Variants in CENPE observed in about 807,000 individuals in gnomAD.
CENPE encodes centromere protein E.
Under a neutral mutation model 336.1 loss-of-function variants are expected in CENPE, and 145 were observed. The ratio of observed to expected loss-of-function variants is 0.43; its 90% CI spans 0.38 to 0.50. The LOEUF (loss-of-function observed/expected upper bound fraction) is 0.50. Among genes scored for constraint, CENPE ranks in the 20% least tolerant of loss-of-function variants. CENPE has a pLI of 0.00. For synonymous variants in CENPE, 1,013 were observed against 984.8 expected (o/e 1.03, Z -0.54); for missense variants, 2,719 against 3,023.3 (o/e 0.90, Z 2.36).
At chr4:103,138,228 T>A in intron 39 of CENPE, 123 bp downstream of exon 39, 2 of 698,814 alleles carry the variant, frequency 2.9e-6, no homozygotes, top group South Asian at 3.3e-5. Flanking sequence ...TAGATTACAA[T>A]GTTTAGAAAA....
chr4:103,151,803 G>A (rs1053202825), intron 25 of CENPE, among the ~76,000 whole-genome samples: 1 of 152,118 alleles, frequency 6.6e-6, no homozygotes, highest in Non-Finnish European at 1.5e-5. Flanking sequence ...AGCATGACTT[G>A]GGCTGATCCT....
At position 103,132,719 on chromosome 4, in the gene CENPE, T is replaced by A; in HGVS notation, c.6898A>T (p.Asn2300Tyr). ...QKENDRICQVNNFFNNRIIAI... is the reference protein window; with the variant it reads ...QKENDRICQVYNFFNNRIIAI... ...ATTATTCTGTTATTAAAGAAGTTAT[T>A]CACTTGACAAATCCTATCATTTTCT... The change falls in exon 42 of 49, where the codon AAT (asparagine) becomes TAT (tyrosine). Residue 2300 changes from asparagine (N) to tyrosine (Y), a missense_variant. This residue lies in a region of CENPE where 2,437 missense variants were observed against 2,513.3 expected (regional missense o/e 0.97). Coordinates refer to ENST00000265148, the MANE Select transcript of CENPE (RefSeq NM_001813.3). 1 of 1,550,186 alleles carries A rather than the reference T, an allele frequency of 6.5e-7. No homozygotes were observed. The highest frequency in any genetic ancestry group is 8.8e-7 in the Non-Finnish European group (1 of 1,131,672).
Position 103,175,952 on chromosome 4 carries a change from TA to T in CENPE, c.1479+7del, listed in dbSNP as rs1560662862. On this transcript the variant is annotated splice_region_variant and intron_variant, in intron 15 of 48. Transcript: ENST00000265148. ...AAGCATTATATGCTGTAAAATACAT[TA>T]AGTTACCTGATTTAGTAGCTTTGTT... 1 of 1,538,714 alleles carries T rather than the reference TA, an allele frequency of 6.5e-7. No homozygotes were observed. The highest frequency in any genetic ancestry group is 1.8e-5 in the Admixed American group (1 of 57,134).
At chr4:103,173,629 A>ATTTGCAATATT (rs1351118696) in intron 16 of CENPE, among the ~76,000 whole-genome samples, 1 of 152,050 alleles carries the variant, frequency 6.6e-6, no homozygotes, top group Non-Finnish European at 1.5e-5. Context: ...TTTGCAAAAT[A>ATTTGCAATATT]TACATCTGAC....
intron 41 of CENPE, 64 bp from the exon 42 acceptor site, chr4:103,132,960 T>TTATATATATATATATATACA: frequency 7.1e-6 from 1 of 140,138 alleles, no homozygotes; most frequent in Non-Finnish European, 1.3e-5. Flanking sequence ...AATATTTTAT[T>TTATATATATATATATATACA]TATATATATA....
chr4:103,182,696 T>C, intron 11 of CENPE, 66 bp downstream of exon 11: 4 of 1,309,926 alleles, frequency 3.1e-6, no homozygotes, highest in Non-Finnish European at 4.1e-6. Flanking sequence ...TTAATTTTAG[T>C]AGGTAATGTT....
At chr4:103,147,333 T>C (rs1273781087) in intron 29 of CENPE, 23 bp downstream of exon 29, 36 of 1,568,796 alleles carry the variant, frequency 2.3e-5, no homozygotes, top group Non-Finnish European at 2.9e-5. Flanking sequence ...CTTGTTAAAA[T>C]GGGAGGAAAA....
chr4:103,150,255 GAA>G (rs1359272944), intron 26 of CENPE, among the ~76,000 whole-genome samples: 7 of 152,086 alleles, frequency 4.6e-5, no homozygotes, highest in Admixed American at 1.3e-4. Context: ...GTGAGATAGT[GAA>G]AGGGATCAGA....
chr4:103,169,154 G>A (rs141628667), intron 16 of CENPE, among the ~76,000 whole-genome samples: 21 of 151,262 alleles, frequency 1.4e-4, no homozygotes, highest in Non-Finnish European at 2.7e-4. Flanking sequence ...TGAACAAAAT[G>A]AAAAATGCAA....
At chr4:103,152,981 G>A in intron 25 of CENPE, 66 bp downstream of exon 25, 1 of 1,182,090 alleles carries the variant, frequency 8.5e-7, no homozygotes, top group Non-Finnish European at 1.2e-6. Context: ...CCTCAATAAA[G>A]TTGATAAAAA....
rs372384706 is a variant in CENPE at position 103,173,493 on chromosome 4, C to A, written c.1647+1243G>T. On this transcript the variant is annotated intron_variant, in intron 16 of 48. Transcript: ENST00000265148. ...GACCTTAAAAGCACAACCAAAAAGA[C>A]CAAAAACAAATAAACGGAATTACAA... is the stretch of plus-strand genomic sequence containing the variant. Among the ~76,000 whole-genome samples, 9 of 124,354 alleles carry A rather than the reference C, an allele frequency of 7.2e-5. No individual in the cohort carries two copies. The East Asian group carries it at 1.9e-3, about 26-fold the overall frequency. The allele number at this position is 124,354 out of a possible 152,430, so 81.6% of individuals were successfully genotyped here. A position where few individuals can be genotyped will look rare whatever the true frequency, so the allele number is the denominator to read the frequency against.
Position 103,163,474 on chromosome 4 carries a change from C to A in CENPE, c.1722+5G>T. 2 of 1,582,048 alleles carry A rather than the reference C, an allele frequency of 1.3e-6. No individual in the cohort carries two copies. The highest frequency in any genetic ancestry group is 1.7e-6 in the Non-Finnish European group (2 of 1,157,280). On this transcript the variant is annotated splice_donor_5th_base_variant and intron_variant, in intron 17 of 48. Coordinates refer to ENST00000265148, the MANE Select transcript of CENPE (RefSeq NM_001813.3). Reference sequence around the variant, plus strand: ...ATCAATAGAAATACCAACATGAATGCTCACCTCAAGATCTTGATTATATAC... The same window carrying A: ...ATCAATAGAAATACCAACATGAATGATCACCTCAAGATCTTGATTATATAC...
intron 5 of CENPE, 146 bp downstream of exon 5, chr4:103,194,968 G>C: frequency 1.4e-6 from 1 of 712,612 alleles, no homozygotes; most frequent in African/African-American, 1.9e-5. Context: ...TTGTTTAAAA[G>C]ATGAATATAA....
intron 11 of CENPE, 108 bp downstream of exon 11, chr4:103,182,654 A>T (rs17033461): frequency 1.2e-6 from 1 of 864,290 alleles, no homozygotes; most frequent in African/African-American, 1.7e-5. Context: ...CATATCGATT[A>T]TAACAGGCGA....
chr4:103,188,098 T>C (rs1756961343), intron 8 of CENPE, among the ~76,000 whole-genome samples: 2 of 152,128 alleles, frequency 1.3e-5, no homozygotes, highest in East Asian at 1.9e-4. Context: ...GAGCTAACTA[T>C]CCTAAATATA....
At chr4:103,159,628 C>G (rs1367951331) in intron 21 of CENPE, among the ~76,000 whole-genome samples, 1 of 151,744 alleles carries the variant, frequency 6.6e-6, no homozygotes, top group East Asian at 1.9e-4. Flanking sequence ...AAAGTGTTTT[C>G]TAACTTTATC....
chr4:103,120,361 C>G, intron 43 of CENPE, 28 bp from the exon 44 acceptor site: 1 of 1,562,322 alleles, frequency 6.4e-7, no homozygotes, highest in Non-Finnish European at 8.7e-7. Flanking sequence ...CATTCATAAG[C>G]TCTATCATCA....
chr4:103,133,431 G>A lies in CENPE; in HGVS notation c.6720+264C>T, dbSNP rs990966276. Among the ~76,000 whole-genome samples, 45 of 152,228 alleles carry A rather than the reference G, an allele frequency of 3.0e-4. 1 individual carries two copies. The highest frequency in any genetic ancestry group is 2.2e-3 in the Admixed American group (34 of 15,282). On this transcript the variant is annotated intron_variant, in intron 41 of 48. Transcript: ENST00000265148. The stretch of plus-strand genomic sequence containing the variant: ...AATTGGATGCCAGCCTCACATAGAT[G>A]AATGCAAGTAACACATTCCATGTGG...
Position 103,165,815 on chromosome 4 carries a change from T to C in CENPE, c.1648-2262A>G, listed in dbSNP as rs532416101. Among the ~76,000 whole-genome samples, 10 of 151,336 alleles carry C rather than the reference T, an allele frequency of 6.6e-5. No individual in the cohort carries two copies. The South Asian group carries it at 1.9e-3, about 28-fold the overall frequency. On this transcript the variant is annotated intron_variant, in intron 16 of 48. Transcript: ENST00000265148. ...CCTGGCCAACATGGCAAGACCCCCG[T>C]CTCTATAAAGAAAAAGTTTTTTAAT...
Sources: allele counts gnomAD v4.1 joint callset (sites outside exome capture counted in the v4.1 genomes callset), GRCh38; gene constraint gnomAD v4.1.1; regional missense constraint gnomAD v4.1.1; transcripts MANE v1.5; gene names NCBI Gene and HGNC (gene_info 2026-07-23, HGNC 2026-07-21).